The following AHCYL2 variants were observed in gnomAD, a reference collection of about 807,000 sequenced individuals.
The protein encoded by AHCYL2 is S-adenosylhomocysteine hydrolase-like protein 2.
Under a neutral mutation model 81.4 loss-of-function variants are expected in AHCYL2, and 28 were observed. The ratio of observed to expected loss-of-function variants is 0.34; its 90% CI spans 0.25 to 0.47. AHCYL2 has a LOEUF of 0.47. Among genes scored for constraint, AHCYL2 ranks in the 20% least tolerant of loss-of-function variants. The pLI is 1.00. For missense variants in AHCYL2, 551 were observed against 785.1 expected (o/e 0.70, Z 3.56); for synonymous variants, 272 against 290.2 (o/e 0.94, Z 0.64).
At chr7:129,423,003 C>A in intron 13 of AHCYL2, 65 bp downstream of exon 13, 1 of 1,371,486 alleles carries the variant, frequency 7.3e-7, no homozygotes, top group Non-Finnish European at 1.0e-6. Context: ...CAGGTCCCCT[C>A]CTCCTCATGT....
At chr7:129,257,588 A>G (rs1416354837) in intron 1 of AHCYL2, among the ~76,000 whole-genome samples, 2 of 152,214 alleles carry the variant, frequency 1.3e-5, no homozygotes, top group Non-Finnish European at 2.9e-5. Flanking sequence ...GTACTTAATC[A>G]GATTATGCAT....
At chr7:129,250,071 G>A (rs1795199058) in intron 1 of AHCYL2, among the ~76,000 whole-genome samples, 1 of 152,184 alleles carries the variant, frequency 6.6e-6, no homozygotes, top group African/African-American at 2.4e-5. Flanking sequence ...GGAGGCCAGT[G>A]TGGGAGTATT....
At chr7:129,237,308 G>A (rs1029830752) in intron 1 of AHCYL2, among the ~76,000 whole-genome samples, 13 of 152,114 alleles carry the variant, frequency 8.5e-5, no homozygotes, top group African/African-American at 2.9e-4. Flanking sequence ...TTTGTAATAT[G>A]AGATAGCTCT....
At chr7:129,274,100 G>GT (rs1316739914) in intron 1 of AHCYL2, among the ~76,000 whole-genome samples, 1 of 152,162 alleles carries the variant, frequency 6.6e-6, no homozygotes, top group Non-Finnish European at 1.5e-5. Flanking sequence ...CTGGTGATAT[G>GT]TGTCTGATTA....
At chr7:129,384,061 C>T (rs554738718) in intron 2 of AHCYL2, among the ~76,000 whole-genome samples, 1 of 152,166 alleles carries the variant, frequency 6.6e-6, no homozygotes, top group South Asian at 2.1e-4. Context: ...AGCCATTCCA[C>T]AATGTGTACA....
rs879412691 is a variant in AHCYL2, at chr7:129,379,492, T to C, written c.364-146T>C. On this transcript the variant is annotated intron_variant, in intron 1 of 16. Transcript: ENST00000325006. ...AAAGAAGAATGAAAAAGTATTCTTA[T>C]CTTCAAAGGGTCTTAATATCCCAAA... The C allele has an allele frequency of 7.1e-5, 43 of 607,984 alleles. 1 individual carries two copies. Among genetic ancestry groups the C allele is most frequent in the Admixed American group, 6.9e-4 (22 of 32,044 alleles). 37.7% of individuals were successfully genotyped at this position (607,984 alleles called of 1,614,324 possible).
chr7:129,303,388 G>A (rs182821558), intron 1 of AHCYL2, among the ~76,000 whole-genome samples: 1 of 152,248 alleles, frequency 6.6e-6, no homozygotes, highest in East Asian at 1.9e-4. Context: ...AATTTTGGGA[G>A]GTTGTATGTG....
rs143444220 is a variant in AHCYL2, at chr7:129,292,369, A to G, written c.363+66930A>G. Among the ~76,000 whole-genome samples the G allele has an allele frequency of 5.9e-5, 9 of 152,356 alleles. No individual in the cohort carries two copies. In the East Asian group the frequency reaches 1.5e-3, roughly 26 times the overall value. ...CAGTTGTCACAGCTGTGAGTATAGCATATGTAATAGAGCCCACTGGTTGTC... is the reference window on the plus strand; with the variant it reads ...CAGTTGTCACAGCTGTGAGTATAGCGTATGTAATAGAGCCCACTGGTTGTC... On this transcript the variant is annotated intron_variant, in intron 1 of 16. Coordinates refer to ENST00000325006, the MANE Select transcript of AHCYL2 (RefSeq NM_015328.4).
At chr7:129,361,566 T>C (rs564936023) in intron 1 of AHCYL2, among the ~76,000 whole-genome samples, 52 of 152,336 alleles carry the variant, frequency 3.4e-4, no homozygotes, top group Middle Eastern at 3.4e-3. Flanking sequence ...AAAATGGATT[T>C]GGGTATGCTA....
At chr7:129,237,150 C>A (rs896529635) in intron 1 of AHCYL2, among the ~76,000 whole-genome samples, 5 of 151,964 alleles carry the variant, frequency 3.3e-5, no homozygotes, top group Non-Finnish European at 5.9e-5. Flanking sequence ...TTGGCTTCAA[C>A]ATTTTGTGTC....
At chr7:129,369,026 C>T (rs186569814) in intron 1 of AHCYL2, among the ~76,000 whole-genome samples, 108 of 152,278 alleles carry the variant, frequency 7.1e-4, no homozygotes, top group African/African-American at 2.4e-3. Context: ...TCAGTCACAA[C>T]ATTTCCCTAT....
At position 129,426,044 on chromosome 7, in the gene AHCYL2, A is replaced by G. The variant is rs930082808; in HGVS notation, c.1709-399A>G. ...GTATCCTTCTTAGTTTTTCCATTCA[A>G]GTTTCCCCAGGCATTAGTTGTTTTA... On this transcript the variant is annotated intron_variant, in intron 15 of 16. Coordinates refer to ENST00000325006, the MANE Select transcript of AHCYL2 (RefSeq NM_015328.4). This position sits in a 1 kb window ranked among gnomAD's most constrained non-coding sequence, Gnocchi z 4.3. Among the ~76,000 whole-genome samples, 18 of 152,242 alleles carry G rather than the reference A, an allele frequency of 1.2e-4. No individual in the cohort carries two copies. The highest frequency in any genetic ancestry group is 4.1e-4 in the African/African-American group (17 of 41,466).
intron 1 of AHCYL2, among the ~76,000 whole-genome samples, chr7:129,346,809 T>C (rs371755638): frequency 2.6e-5 from 4 of 152,188 alleles, no homozygotes; most frequent in Non-Finnish European, 4.4e-5. Context: ...TGAAAACTTA[T>C]ATCCACACAA....
At chr7:129,424,709 T>C (rs1300959197) in intron 13 of AHCYL2, 165 bp from the exon 14 acceptor site, 8 of 657,240 alleles carry the variant, frequency 1.2e-5, no homozygotes, top group African/African-American at 9.1e-5. Context: ...AGTGGTTTCA[T>C]TTAAATGTCA....
intron 1 of AHCYL2, among the ~76,000 whole-genome samples, chr7:129,289,720 G>T (rs1230835537): frequency 2.0e-5 from 3 of 151,754 alleles, no homozygotes; most frequent in African/African-American, 7.3e-5. Flanking sequence ...AAACATTTTT[G>T]AATATGTTTC....
chr7:129,347,243 G>A (rs1053219129), intron 1 of AHCYL2, among the ~76,000 whole-genome samples: 4 of 152,168 alleles, frequency 2.6e-5, no homozygotes, highest in Admixed American at 2.0e-4. Flanking sequence ...CTCATAGAAT[G>A]TATAACACCA....
rs1403781021 is a variant in AHCYL2, at chr7:129,350,698, TTTTC to T, written c.364-28924_364-28921del. Among the ~76,000 whole-genome samples, 238 of 145,690 alleles carry T rather than the reference TTTTC, an allele frequency of 1.6e-3. 1 individual carries two copies. In the Middle Eastern group the frequency reaches 0.028, roughly 17 times the overall value. On this transcript the variant is annotated intron_variant, in intron 1 of 16. Coordinates refer to ENST00000325006, the MANE Select transcript of AHCYL2 (RefSeq NM_015328.4). ...TTGCACCCAGCCTCCTTCATTTTCTTTTTCTTTCTTTCTTTCTTTTTTTTTTTTT... is the reference window on the plus strand; with the variant it reads ...TTGCACCCAGCCTCCTTCATTTTCTTTTTCTTTCTTTCTTTTTTTTTTTTT...
At chr7:129,361,001 C>G (rs1793913996) in intron 1 of AHCYL2, among the ~76,000 whole-genome samples, 1 of 152,028 alleles carries the variant, frequency 6.6e-6, no homozygotes, top group Admixed American at 6.6e-5. Flanking sequence ...AAGTGTTGTC[C>G]CAGCCATATT....
chr7:129,288,421 C>T (rs1796716267), intron 1 of AHCYL2, among the ~76,000 whole-genome samples: 2 of 152,074 alleles, frequency 1.3e-5, no homozygotes, highest in Middle Eastern at 6.8e-3. Flanking sequence ...AGTGCAGTGG[C>T]GTGATCTCGG....
Sources: gnomAD v4.1 joint callset for allele counts (sites outside exome capture counted in the v4.1 genomes callset) on GRCh38, gnomAD v4.1.1 for gene constraint, Gnocchi (gnomAD v3.1) non-coding constraint, MANE v1.5 for transcripts, NCBI Gene and HGNC (gene_info 2026-07-23, HGNC 2026-07-21) for gene names.